The following PPP1R1C variants were observed in gnomAD, a reference collection of about 807,000 sequenced individuals.
The protein encoded by PPP1R1C is protein phosphatase 1 regulatory subunit 1C.
A neutral mutation model predicts 17.4 loss-of-function variants in PPP1R1C; 15 were observed. The ratio of observed to expected loss-of-function variants is 0.86; its 90% CI spans 0.58 to 1.33. The LOEUF (loss-of-function observed/expected upper bound fraction) is 1.33. PPP1R1C is among the 40% of genes most tolerant of loss of function. The pLI is 0.00. For missense variants in PPP1R1C, 143 were observed against 130.0 expected (o/e 1.10, Z -0.48); for synonymous variants, 35 against 43.1 (o/e 0.81, Z 0.73).
At chr2:182,016,605 T>C (rs576283153) in intron 2 of PPP1R1C, among the ~76,000 whole-genome samples, 4 of 152,352 alleles carry the variant, frequency 2.6e-5, no homozygotes, top group African/African-American at 9.6e-5. Flanking sequence ...TTCTTTTTCC[T>C]TCCATTTTAA....
At chr2:181,959,681 C>G (rs1244153551) in intron 1 of PPP1R1C, among the ~76,000 whole-genome samples, 1 of 152,032 alleles carries the variant, frequency 6.6e-6, no homozygotes. Flanking sequence ...GTGTATGAGA[C>G]TATTTTTAAA....
intron 4 of PPP1R1C, among the ~76,000 whole-genome samples, chr2:182,085,822 T>G (rs969232861): frequency 6.6e-6 from 1 of 152,110 alleles, no homozygotes; most frequent in African/African-American, 2.4e-5. Context: ...AGGGAACAGA[T>G]AGGAAAGCTA....
At chr2:182,064,053 T>C in intron 4 of PPP1R1C, 1 of 428,500 alleles carries the variant, frequency 2.3e-6, no homozygotes, top group Non-Finnish European at 4.1e-6. Flanking sequence ...CAAAGATTTT[T>C]TTTTACCGTT....
chr2:182,104,200 T>C (rs1689182092), intron 4 of PPP1R1C, among the ~76,000 whole-genome samples: 1 of 152,244 alleles, frequency 6.6e-6, no homozygotes, highest in South Asian at 2.1e-4. Context: ...TGTATTGCTT[T>C]TTCTTGCCTA....
intron 4 of PPP1R1C, among the ~76,000 whole-genome samples, chr2:182,104,871 T>C (rs1328478538): frequency 6.6e-6 from 1 of 152,214 alleles, no homozygotes; most frequent in African/African-American, 2.4e-5. Context: ...AATTCAGCCG[T>C]GAAGCCATCA....
At position 181,976,855 on chromosome 2, in the gene PPP1R1C, G is replaced by A. The variant is rs1386094195; in HGVS notation, n.157+1591G>A. ...TTTTTAAAGAACTTGCCTAAATTAT[G>A]GGCCAGGCACAATGGCTTATGCCTG... On this transcript the variant is annotated intron_variant and non_coding_transcript_variant, in intron 2 of 5. Transcript: ENST00000464264. The surrounding 1 kb of genome is among the most constrained non-coding windows in gnomAD (Gnocchi z 4.8). Among the ~76,000 whole-genome samples, 1 of 151,896 alleles carries A rather than the reference G, an allele frequency of 6.6e-6. No individual in the cohort carries two copies. The highest frequency in any genetic ancestry group is 1.5e-5 in the Non-Finnish European group (1 of 67,974).
intron 4 of PPP1R1C, among the ~76,000 whole-genome samples, chr2:182,068,847 C>T (rs114595948): frequency 0.012 from 1,808 of 152,246 alleles, 27 homozygotes; most frequent in Middle Eastern, 0.024. Flanking sequence ...ATGCAGCCTA[C>T]GCTTAGGCAA....
intron 5 of PPP1R1C, among the ~76,000 whole-genome samples, chr2:182,124,340 T>C (rs866520547): frequency 1.5e-5 from 2 of 129,826 alleles, no homozygotes; most frequent in African/African-American, 6.4e-5. Flanking sequence ...TTTTTTTTTG[T>C]TTTTTTTTTT....
At chr2:181,965,015 A>C (rs1353130792) in intron 1 of PPP1R1C, among the ~76,000 whole-genome samples, 1 of 152,106 alleles carries the variant, frequency 6.6e-6, no homozygotes, top group Non-Finnish European at 1.5e-5. Flanking sequence ...CCAACATCTC[A>C]TTGTAGTTTA....
At chr2:182,125,472 G>T (rs984655500) in intron 5 of PPP1R1C, among the ~76,000 whole-genome samples, 1 of 152,164 alleles carries the variant, frequency 6.6e-6, no homozygotes, top group Non-Finnish European at 1.5e-5. Context: ...TAGAAGGAAA[G>T]GTACCAGCTC....
At chr2:182,023,562 G>C (rs1686495908) in intron 2 of PPP1R1C, among the ~76,000 whole-genome samples, 1 of 152,184 alleles carries the variant, frequency 6.6e-6, no homozygotes, top group East Asian at 1.9e-4. Context: ...GAGTTGAAAG[G>C]ACATTGATGA....
chr2:182,025,059 T>G (rs1686556331), intron 2 of PPP1R1C, among the ~76,000 whole-genome samples: 1 of 150,476 alleles, frequency 6.6e-6, no homozygotes, highest in Non-Finnish European at 1.5e-5. Context: ...AAGTTGCACA[T>G]GTACTGCATA....
At chr2:182,056,327 A>G (rs557154821) in intron 2 of PPP1R1C, among the ~76,000 whole-genome samples, 5 of 152,244 alleles carry the variant, frequency 3.3e-5, no homozygotes, top group Admixed American at 3.3e-4. Flanking sequence ...CAACCTGCTT[A>G]TTGCATTTTG....
intron 2 of PPP1R1C, among the ~76,000 whole-genome samples, chr2:182,030,730 G>T (rs1245415852): frequency 2.7e-5 from 4 of 150,714 alleles, no homozygotes; most frequent in African/African-American, 9.7e-5. Context: ...TTGAGCTGTG[G>T]TGGGCTCCAC....
chr2:182,108,355 G>A (rs1432866303), intron 4 of PPP1R1C, among the ~76,000 whole-genome samples: 1 of 151,878 alleles, frequency 6.6e-6, no homozygotes, highest in Non-Finnish European at 1.5e-5. Context: ...TCAGACTCCT[G>A]GACAGTCTTC....
At chr2:182,046,205 C>A (rs1369124468) in intron 2 of PPP1R1C, among the ~76,000 whole-genome samples, 4 of 151,260 alleles carry the variant, frequency 2.6e-5, no homozygotes, top group African/African-American at 9.7e-5. Context: ...AGCAAAGTAC[C>A]AGTGTGAATA....
chr2:181,981,413 T>A (rs528745397), upstream of PPP1R1C, among the ~76,000 whole-genome samples: 8 of 152,304 alleles, frequency 5.3e-5, no homozygotes, highest in South Asian at 1.7e-3. Context: ...TAGCTGTAGA[T>A]CTGAAAAAAT....
chr2:181,972,505 A>G (rs995145895), intron 1 of PPP1R1C, among the ~76,000 whole-genome samples: 14 of 151,966 alleles, frequency 9.2e-5, no homozygotes, highest in Non-Finnish European at 1.6e-4. Context: ...CAAAAAAAAA[A>G]CACAATACAT....
chr2:182,063,871 T>A, intron 4 of PPP1R1C, 80 bp downstream of exon 4: 1 of 1,007,616 alleles, frequency 9.9e-7, no homozygotes, highest in African/African-American at 1.6e-5. Flanking sequence ...GGACCACATA[T>A]CTGATGATAA....
Sources: allele counts gnomAD v4.1 joint callset (sites outside exome capture counted in the v4.1 genomes callset), GRCh38; gene constraint gnomAD v4.1.1; non-coding constraint Gnocchi (gnomAD v3.1); transcripts MANE v1.5; gene names NCBI Gene and HGNC (gene_info 2026-07-23, HGNC 2026-07-21).